Variants in LSS observed in about 807,000 individuals in gnomAD.
The protein encoded by LSS is 2,3-epoxysqualene-lanosterol cyclase.
Under a neutral mutation model 110.3 loss-of-function variants are expected in LSS, and 90 were observed. The ratio of observed to expected loss-of-function variants is 0.82; its 90% CI spans 0.69 to 0.97. The LOEUF is 0.97. LSS is among the 50% of genes least tolerant of loss of function. The pLI is 0.00. For synonymous variants in LSS, 433 were observed against 400.0 expected (o/e 1.08, Z -0.98); for missense variants, 927 against 990.0 (o/e 0.94, Z 0.85).
chr21:46,196,307 C>G (rs2079909908), intron 17 of LSS, 40 bp from the exon 18 acceptor site: 1 of 1,530,392 alleles, frequency 6.5e-7, no homozygotes. Flanking sequence ...TCTGGTAAAA[C>G]AGCAGTTTAC....
chr21:46,191,735 C>T (rs2079818601), intron 21 of LSS, 146 bp downstream of exon 21: 3 of 686,186 alleles, frequency 4.4e-6, no homozygotes, highest in South Asian at 1.7e-5. Context: ...AGACCTGCCA[C>T]CAACTGTGGC....
chr21:46,189,156 A>T lies in LSS; in HGVS notation c.*1948T>A. The T allele has an allele frequency of 4.4e-6, 1 of 228,340 alleles. No individual in the cohort carries two copies. Among genetic ancestry groups the T allele is most frequent in the Non-Finnish European group, 8.8e-6 (1 of 113,070 alleles). The allele number at this position is 228,340 out of a possible 1,614,324, so 14.1% of individuals were successfully genotyped here. ...TAAGGGAATCAATGTCTGTTTATTAAGGCAGATGCTCATAAAAGTGACTTT... is the reference window on the plus strand; with the variant it reads ...TAAGGGAATCAATGTCTGTTTATTATGGCAGATGCTCATAAAAGTGACTTT... On this transcript the variant is annotated 3_prime_UTR_variant, in exon 22 of 22. Coordinates refer to ENST00000397728, the MANE Select transcript of LSS (RefSeq NM_002340.6).
chr21:46,205,601 T>A (rs971333653), intron 17 of LSS, among the ~76,000 whole-genome samples: 3 of 152,242 alleles, frequency 2.0e-5, no homozygotes, highest in African/African-American at 7.2e-5. Context: ...TTAACATTAT[T>A]AAAAGAGAGA....
Position 46,207,662 on chromosome 21 carries a change from C to G in LSS, c.1318-85G>C, listed in dbSNP as rs2080070959. ...TCCCCACAGCCGCACGCATCCCTCC[C>G]CACCACAGAGCACCCGGTCAGGGCA... On this transcript the variant is annotated intron_variant, in intron 14 of 21. Coordinates refer to ENST00000397728, the MANE Select transcript of LSS (RefSeq NM_002340.6). The G allele has an allele frequency of 3.4e-6, 5 of 1,463,088 alleles. No individual in the cohort carries two copies. The East Asian group carries it at 1.2e-4, about 36-fold the overall frequency. 90.6% of individuals were successfully genotyped at this position (1,463,088 alleles called of 1,614,324 possible).
intron 21 of LSS, 29 bp downstream of exon 21, chr21:46,191,852 C>G: frequency 6.3e-7 from 1 of 1,598,966 alleles, no homozygotes; most frequent in Non-Finnish European, 8.6e-7. Flanking sequence ...AGTGCTGGGC[C>G]TTGTGCGCTC....
rs752343715 is a variant in LSS, at chr21:46,228,495, T to A, written c.119A>T (p.Gln40Leu). The A allele has an allele frequency of 2.5e-6, 4 of 1,603,084 alleles. No homozygotes were observed. The Admixed American group carries it at 6.7e-5, about 27-fold the overall frequency. Residue 40 changes from glutamine (Q) to leucine (L), a missense_variant, in exon 2 of 22, where the codon CAG (glutamine) becomes CTG (leucine). Physicochemically the swap from Gln to Leu is moderately radical, Grantham distance 113 (BLOSUM62 -2). Transcript: ENST00000397728. The stretch of plus-strand genomic sequence containing the variant: ...CTGCTCGCGGCCGGCGCGCTCGTCC[T>A]GCAGGTAGGTCCACGTCTGCCGGCC... The part of the protein sequence containing the change: ...ERGRQTWTYL[Q>L]DERAGREQTG...
At chr21:46,226,291 C>G (rs2080339114) in intron 3 of LSS, among the ~76,000 whole-genome samples, 1 of 152,212 alleles carries the variant, frequency 6.6e-6, no homozygotes, top group South Asian at 2.1e-4. Flanking sequence ...TGCACATGAC[C>G]AAACCTGATT....
rs528733430 is a variant in LSS at position 46,211,377 on chromosome 21, C to T, written c.1138-633G>A. ...ATCTCCTGACCTTGTGATCCGCCCA[C>T]CTTGGCCTCCCAAAGTGTAGGGATT... On this transcript the variant is annotated intron_variant, in intron 11 of 21. Coordinates refer to ENST00000397728, the MANE Select transcript of LSS (RefSeq NM_002340.6). Among the ~76,000 whole-genome samples the T allele has an allele frequency of 1.9e-4, 29 of 152,324 alleles. No individual in the cohort carries two copies. The South Asian group carries it at 4.1e-3, about 22-fold the overall frequency.
At chr21:46,192,328 A>G in intron 20 of LSS, 1 of 408,338 alleles carries the variant, frequency 2.4e-6, no homozygotes, top group Non-Finnish European at 4.7e-6. Flanking sequence ...ATAAGACACC[A>G]AGAAGGATCC....
intron 17 of LSS, among the ~76,000 whole-genome samples, chr21:46,200,164 T>C (rs1012842606): frequency 4.6e-5 from 7 of 152,168 alleles, no homozygotes; most frequent in Non-Finnish European, 8.8e-5. Flanking sequence ...TCAAAATCAA[T>C]TGCGTAAGAA....
At chr21:46,227,370 G>A in intron 3 of LSS, 182 bp downstream of exon 3, 1 of 677,268 alleles carries the variant, frequency 1.5e-6, no homozygotes, top group African/African-American at 1.8e-5. Flanking sequence ...ACACTGGCAA[G>A]GCTAGCTGAT....
In LSS at chr21:46,194,582, A is replaced by T; in HGVS notation, c.1897T>A (p.Phe633Ile). 6.2e-7 allele frequency: 1 copy of T among 1,613,778 alleles called. No individual in the cohort carries two copies. Among genetic ancestry groups the T allele is most frequent in the Non-Finnish European group, 8.5e-7 (1 of 1,179,966 alleles). Residue 633 changes from phenylalanine (F) to isoleucine (I), a missense_variant, in exon 20 of 22, where the codon TTT (phenylalanine) becomes ATT (isoleucine). Coordinates refer to ENST00000397728, the MANE Select transcript of LSS (RefSeq NM_002340.6). ...QMADGGWGEDFESCEERRYLQ... is the reference protein window; with the variant it reads ...QMADGGWGEDIESCEERRYLQ... ...TAACGCCGCTCCTCGCAGGACTCAA[A>T]GTCCTCCCCCCAGCCTCCGTCTGCC...
At chr21:46,215,903 C>G in intron 7 of LSS, 110 bp from the exon 8 acceptor site, 1 of 694,548 alleles carries the variant, frequency 1.4e-6, no homozygotes, top group East Asian at 2.8e-5. Flanking sequence ...GGGCCAGTCC[C>G]TTCCTGGGTG....
chr21:46,212,439 G>A (rs2080146118), intron 11 of LSS, among the ~76,000 whole-genome samples: 1 of 152,220 alleles, frequency 6.6e-6, no homozygotes, highest in South Asian at 2.1e-4. Flanking sequence ...AGGGGCGCAG[G>A]CTCAGCCCAG....
intron 17 of LSS, among the ~76,000 whole-genome samples, chr21:46,200,401 G>A (rs80163162): frequency 6.6e-6 from 1 of 152,016 alleles, no homozygotes; most frequent in Non-Finnish European, 1.5e-5. Context: ...GAAAAAAAAA[G>A]CAACTTCATA....
At chr21:46,192,836 G>A (rs749086603) in intron 20 of LSS, 13 of 450,468 alleles carry the variant, frequency 2.9e-5, no homozygotes, top group South Asian at 2.0e-4. Flanking sequence ...ATGTCTGTGT[G>A]TGGCACAGAT....
Position 46,216,440 on chromosome 21 carries a change from G to GT in LSS, c.731dup (p.Tyr244Ter), listed in dbSNP as rs1569032357. ...RQVYLPMSYC[Y>*]AVRLSAAEDP... ...CTTCCGCGGCACTCAGCCGAACGGC[G>GT]TAGCAGTAGCTCATGGGCAGGTACA... The change falls in exon 7 of 22, where the codon TAC becomes TAAC. Residue 244 changes from tyrosine (Y) to a stop codon, truncating the protein, a stop_gained and frameshift_variant. Coordinates refer to ENST00000397728, the MANE Select transcript of LSS (RefSeq NM_002340.6). LOFTEE classifies it high-confidence loss of function. This position sits in a 1 kb window ranked among gnomAD's most constrained non-coding sequence, Gnocchi z 4.2. 1.2e-6 allele frequency: 2 copies of GT among 1,613,802 alleles called. No individual in the cohort carries two copies. The highest frequency in any genetic ancestry group is 8.5e-7 in the Non-Finnish European group (1 of 1,180,008).
intron 3 of LSS, among the ~76,000 whole-genome samples, chr21:46,226,566 G>A (rs182690991): frequency 6.4e-4 from 98 of 152,348 alleles, no homozygotes; most frequent in African/African-American, 2.2e-3. Context: ...TGCTAGTCTG[G>A]TTACCTGGAA....
rs202145516 is a variant in LSS at position 46,209,099 on chromosome 21, C to T, written c.1266+455G>A. Among the ~76,000 whole-genome samples, 9 of 152,060 alleles carry T rather than the reference C, an allele frequency of 5.9e-5. No individual in the cohort carries two copies. The highest frequency in any genetic ancestry group is 1.4e-4 in the African/African-American group (6 of 41,410). On this transcript the variant is annotated intron_variant, in intron 13 of 21. Transcript: ENST00000397728. This position sits in a 1 kb window ranked among gnomAD's most constrained non-coding sequence, Gnocchi z 4.4. ...AGACACTGAGGTCAAACTATGGGCTCGGGCAGGGTCTGTGGGCAGCTGATC... is the reference window on the plus strand; with the variant it reads ...AGACACTGAGGTCAAACTATGGGCTTGGGCAGGGTCTGTGGGCAGCTGATC...
Sources: allele counts gnomAD v4.1 joint callset (sites outside exome capture counted in the v4.1 genomes callset), GRCh38; gene constraint gnomAD v4.1.1; non-coding constraint Gnocchi (gnomAD v3.1); transcripts MANE v1.5; gene names NCBI Gene and HGNC (gene_info 2026-07-23, HGNC 2026-07-21).